The following LOXHD1 variants were observed in gnomAD, a reference collection of about 807,000 sequenced individuals.
The protein encoded by LOXHD1 is lipoxygenase homology PLAT domains 1, also known as lipoxygenase homology domain-containing protein 1.
Under a neutral mutation model 248.2 loss-of-function variants are expected in LOXHD1, and 205 were observed. That is an observed-to-expected ratio of 0.83 (90% CI 0.74 to 0.93). LOXHD1 has a LOEUF of 0.93. Ranked by LOEUF, LOXHD1 falls within the 40% of genes least tolerant of loss-of-function variation. The probability of loss-of-function intolerance (pLI) is 0.00; values close to 1 mark genes in which losing one functional copy is unlikely to be tolerated. For missense variants in LOXHD1, 2,930 were observed against 2,971.6 expected (o/e 0.99, Z 0.33); for synonymous variants, 1,113 against 1,162.8 (o/e 0.96, Z 0.87).
At chr18:46,595,787 T>C (rs1358010932) in intron 8 of LOXHD1, among the ~76,000 whole-genome samples, 1 of 152,220 alleles carries the variant, frequency 6.6e-6, no homozygotes, top group Non-Finnish European at 1.5e-5. Context: ...AACAATTTAT[T>C]TACAAGTCTT....
rs1212807729 is a variant in LOXHD1, at chr18:46,505,900, T to C, written c.5816A>G (p.Asn1939Ser). 14 of 1,551,682 alleles carry C rather than the reference T, an allele frequency of 9.0e-6. No homozygotes were observed. Among genetic ancestry groups the C allele is most frequent in the East Asian group, 2.4e-5 (1 of 40,916 alleles). ...GCCCAAGCTCAGCATGTCAGGGAAG[T>C]TGAATGTGTCCGTGTTGTTCCGCTC... Reference protein sequence around the residue: ...KFERNNTDTFNFPDMLSLGHL... With the variant: ...KFERNNTDTFSFPDMLSLGHL... Residue 1939 changes from asparagine to serine, a missense_variant, in exon 37 of 41, where the codon AAC becomes AGC. Asn to Ser is a conservative substitution (Grantham distance 46). Transcript: ENST00000642948.
intron 6 of LOXHD1, among the ~76,000 whole-genome samples, chr18:46,608,835 C>T (rs1172514879): frequency 6.6e-6 from 1 of 152,192 alleles, no homozygotes; most frequent in African/African-American, 2.4e-5. Context: ...AGGGAGGTGC[C>T]CTCAAGGAAC....
intron 21 of LOXHD1, among the ~76,000 whole-genome samples, chr18:46,550,542 C>T (rs1019568992): frequency 2.9e-5 from 4 of 139,096 alleles, no homozygotes; most frequent in East Asian, 2.1e-4. Context: ...CACTGCAGTC[C>T]GCAGTCCGGC....
intron 7 of LOXHD1, among the ~76,000 whole-genome samples, chr18:46,602,336 G>A (rs1372882097): frequency 6.6e-6 from 1 of 152,048 alleles, no homozygotes; most frequent in African/African-American, 2.4e-5. Context: ...CTCCTGAGTG[G>A]CTGGGATTAC....
At chr18:46,545,487 A>G in intron 22 of LOXHD1, 66 bp from the exon 23 acceptor site, 2 of 1,212,024 alleles carry the variant, frequency 1.7e-6, no homozygotes, top group Admixed American at 4.0e-5. Context: ...AGGAAAGAGG[A>G]CAGCCACCTC....
rs1390310237 is a variant in LOXHD1 at position 46,507,141 on chromosome 18, A to G, written c.5692+397T>C. Among the ~76,000 whole-genome samples, 5 of 152,222 alleles carry G rather than the reference A, an allele frequency of 3.3e-5. No homozygotes were observed. The East Asian group carries it at 9.6e-4, about 29-fold the overall frequency. The stretch of plus-strand genomic sequence containing the variant: ...GTTTGGGCAGCACATCTGTATCCTA[A>G]GACCCACAGCCAAAGCCGGCACATG... On this transcript the variant is annotated intron_variant, in intron 36 of 40. Coordinates refer to ENST00000642948, the MANE Select transcript of LOXHD1 (RefSeq NM_001384474.1).
chr18:46,510,171 T>C (rs896848825), intron 34 of LOXHD1, among the ~76,000 whole-genome samples: 3 of 152,222 alleles, frequency 2.0e-5, no homozygotes, highest in Non-Finnish European at 2.9e-5. Context: ...AAAACTGTGA[T>C]GGAGACCAAA....
chr18:46,545,918 C>T (rs2036799590), intron 22 of LOXHD1, among the ~76,000 whole-genome samples: 1 of 143,860 alleles, frequency 7.0e-6, no homozygotes, highest in East Asian at 2.1e-4. Context: ...CGTGAGCCAC[C>T]GCGCCTCTTG....
intron 4 of LOXHD1, among the ~76,000 whole-genome samples, chr18:46,620,186 C>T (rs545299369): frequency 7.2e-5 from 11 of 152,200 alleles, no homozygotes; most frequent in Non-Finnish European, 1.2e-4. Context: ...TTCCAGAGGC[C>T]GCCCCCCAGC....
chr18:46,615,947 T>C (rs1041898076), intron 5 of LOXHD1, among the ~76,000 whole-genome samples: 3 of 152,230 alleles, frequency 2.0e-5, no homozygotes, highest in Non-Finnish European at 2.9e-5. Flanking sequence ...TCTATTTTTA[T>C]TTGAACAAAG....
chr18:46,585,095 C>A (rs1005708232), intron 12 of LOXHD1, among the ~76,000 whole-genome samples: 1 of 152,058 alleles, frequency 6.6e-6, no homozygotes, highest in Non-Finnish European at 1.5e-5. Flanking sequence ...CTATAAAACA[C>A]CCACAGCTAA....
At chr18:46,602,431 C>T (rs1009420038) in intron 7 of LOXHD1, among the ~76,000 whole-genome samples, 1 of 151,980 alleles carries the variant, frequency 6.6e-6, no homozygotes, top group African/African-American at 2.4e-5. Flanking sequence ...GTCTCGAACC[C>T]CTGGCCTCAA....
chr18:46,557,212 C>T, intron 21 of LOXHD1, 144 bp downstream of exon 21: 4 of 1,010,754 alleles, frequency 4.0e-6, no homozygotes, highest in Non-Finnish European at 5.9e-6. Flanking sequence ...GCCAGTACAC[C>T]TCACCCTTAG....
intron 4 of LOXHD1, among the ~76,000 whole-genome samples, chr18:46,633,652 A>G (rs1182966004): frequency 6.6e-6 from 1 of 152,260 alleles, no homozygotes; most frequent in Admixed American, 6.5e-5. Flanking sequence ...TTTGGGCATC[A>G]GTGGACACTA....
At chr18:46,603,959 A>G (rs1390988983) in intron 7 of LOXHD1, 147 bp downstream of exon 7, 8 of 1,125,418 alleles carry the variant, frequency 7.1e-6, no homozygotes, top group South Asian at 3.2e-5. Flanking sequence ...CCAGTGGGAC[A>G]GAACAGTTTC....
Position 46,545,305 on chromosome 18 carries a change from C to T in LOXHD1, c.3619+12G>A, listed in dbSNP as rs539513964. 2.0e-5 allele frequency: 31 copies of T among 1,543,258 alleles called. 1 individual carries two copies. The African/African-American group carries it at 2.9e-4, about 14-fold the overall frequency. ...AATGTGGGTGAATCTTGGCCCTGCACTGCTTTCTTACCAGTGTCATCCTGT... is the reference window on the plus strand; with the variant it reads ...AATGTGGGTGAATCTTGGCCCTGCATTGCTTTCTTACCAGTGTCATCCTGT... On this transcript the variant is annotated intron_variant, in intron 23 of 40. Coordinates refer to ENST00000642948, the MANE Select transcript of LOXHD1 (RefSeq NM_001384474.1).
At chr18:46,629,793 A>T (rs1408468953) in intron 4 of LOXHD1, among the ~76,000 whole-genome samples, 3 of 92,790 alleles carry the variant, frequency 3.2e-5, no homozygotes, top group Non-Finnish European at 4.9e-5. Context: ...ACTGGGCATT[A>T]AAAAAAAAAA....
At position 46,525,027 on chromosome 18, in the gene LOXHD1, A is replaced by C. The variant is rs566641610; in HGVS notation, c.4531-110T>G. ...CCCCCTCAGTTGCTGCACTGAACAG[A>C]CCTTCTTTGCTGGGGAGCCCTCCAG... On this transcript the variant is annotated intron_variant, in intron 29 of 40. Transcript: ENST00000642948. The C allele has an allele frequency of 3.1e-6, 4 of 1,275,032 alleles. No individual in the cohort carries two copies. In the East Asian group the frequency reaches 1.0e-4, roughly 32 times the overall value. 79.0% of individuals were successfully genotyped at this position (1,275,032 alleles called of 1,614,324 possible).
At chr18:46,577,562 C>G (rs979060747) in intron 14 of LOXHD1, 145 bp downstream of exon 14, 4 of 849,754 alleles carry the variant, frequency 4.7e-6, no homozygotes, top group Non-Finnish European at 7.1e-6. Flanking sequence ...CTAAGCACCA[C>G]CAGCGAGGTC....
Sources: gnomAD v4.1 joint callset for allele counts (sites outside exome capture counted in the v4.1 genomes callset) on GRCh38, gnomAD v4.1.1 for gene constraint, MANE v1.5 for transcripts, NCBI Gene and HGNC (gene_info 2026-07-23, HGNC 2026-07-21) for gene names.